IQCH: variants seen among roughly 807,000 people sequenced by gnomAD.
IQCH encodes IQ motif containing H.
In IQCH, 98 loss-of-function variants were observed where a neutral mutation model predicts 117.0. The ratio of observed to expected loss-of-function variants is 0.84; its 90% CI spans 0.71 to 0.99. The LOEUF is 0.99. IQCH is among the 50% of genes least tolerant of loss of function. The pLI is 0.00. For synonymous variants in IQCH, 412 were observed against 448.2 expected (o/e 0.92, Z 1.02); for missense variants, 1,102 against 1,243.8 (o/e 0.89, Z 1.72).
chr15:67,498,599 G>C (rs1280024304), intron 20 of IQCH, among the ~76,000 whole-genome samples: 1 of 143,964 alleles, frequency 6.9e-6, no homozygotes, highest in Admixed American at 7.1e-5. Context: ...CTGGGCGACA[G>C]AGCGAGATTC....
rs1969023601 is a variant in IQCH, at chr15:67,338,936, C to T, written c.508+1841C>T. Among the ~76,000 whole-genome samples, 3 of 152,160 alleles carry T rather than the reference C, an allele frequency of 2.0e-5. No individual in the cohort carries two copies. In the South Asian group the frequency reaches 6.2e-4, roughly 32 times the overall value. On this transcript the variant is annotated intron_variant, in intron 5 of 20. Transcript: ENST00000335894. ...ATCTTTATCAGGCCAAGCACATTTG[C>T]AGATCAGGCTTTCACAAGTGCCTTT...
Position 67,416,987 on chromosome 15 carries a change from A to G in IQCH, c.2154A>G (p.Ala718=), listed in dbSNP as rs200304297. Residue 718 remains alanine (A), a synonymous_variant, in exon 15 of 21, where the codon GCA becomes GCG. Coordinates refer to ENST00000335894, the MANE Select transcript of IQCH (RefSeq NM_001031715.3). This position sits in a 1 kb window ranked among gnomAD's most constrained non-coding sequence, Gnocchi z 5.1. ...TGGCGGGCATTTTAGCACAGCACGC[A>G]CAGCCAGTCAATGAGAAACGGTTCC... is the stretch of plus-strand genomic sequence containing the variant. The part of the protein sequence containing the change: ...EELAGILAQH[A]QPVNEKRFPT... 2.5e-6 allele frequency: 4 copies of G among 1,612,150 alleles called. No homozygotes were observed. The East Asian group carries it at 6.7e-5, about 27-fold the overall frequency.
At chr15:67,383,820 C>T (rs1971022342) in intron 10 of IQCH, among the ~76,000 whole-genome samples, 1 of 152,052 alleles carries the variant, frequency 6.6e-6, no homozygotes, top group Non-Finnish European at 1.5e-5. Context: ...TTCTTAAGTC[C>T]AGATGCAAAG....
chr15:67,293,870 A>G (rs1966835811), intron 4 of IQCH, among the ~76,000 whole-genome samples: 1 of 152,170 alleles, frequency 6.6e-6, no homozygotes, highest in African/African-American at 2.4e-5. Context: ...GGTGCAAGGA[A>G]GAGTGAAGTG....
At chr15:67,336,861 C>T in intron 4 of IQCH, 114 bp from the exon 5 acceptor site, 1 of 985,200 alleles carries the variant, frequency 1.0e-6, no homozygotes, top group Admixed American at 2.5e-5. Context: ...GCTGATATTG[C>T]TACTTTATTA....
intron 18 of IQCH, among the ~76,000 whole-genome samples, chr15:67,478,307 C>A (rs948953736): frequency 5.3e-5 from 8 of 151,922 alleles, no homozygotes; most frequent in Non-Finnish European, 8.8e-5. Flanking sequence ...ATCGCTTGAA[C>A]CTAGGAGGCA....
rs144013728 is a variant in IQCH at position 67,372,177 on chromosome 15, G to T, written c.820G>T (p.Asp274Tyr). ...GTGGGATTATGACTTTTTAATTTATGATGGTGTCATAGACAATACAGCCCC... is the reference window on the plus strand; with the variant it reads ...GTGGGATTATGACTTTTTAATTTATTATGGTGTCATAGACAATACAGCCCC... ...SLWDYDFLIYDGVIDNTAPDF... is the reference protein window; with the variant it reads ...SLWDYDFLIYYGVIDNTAPDF... The change falls in exon 9 of 21, where the codon GAT becomes TAT. Residue 274 changes from aspartate (D) to tyrosine (Y), a missense_variant. Asp to Tyr is a radical substitution (Grantham distance 160, BLOSUM62 -3). This residue lies in a region of IQCH where 452 missense variants were observed against 449.6 expected (regional missense o/e 1.01). Transcript: ENST00000335894. 100 of 1,613,906 alleles carry T rather than the reference G, an allele frequency of 6.2e-5. No individual in the cohort carries two copies. In the African/African-American group the frequency reaches 1.1e-3, roughly 18 times the overall value.
chr15:67,499,977 G>C (rs1401230545), intron 20 of IQCH, among the ~76,000 whole-genome samples: 1 of 152,158 alleles, frequency 6.6e-6, no homozygotes, highest in African/African-American at 2.4e-5. Flanking sequence ...GATGAAATGG[G>C]GAGTGACAGC....
chr15:67,368,782 C>T (rs939029150), intron 8 of IQCH, among the ~76,000 whole-genome samples: 32 of 152,122 alleles, frequency 2.1e-4, no homozygotes, highest in African/African-American at 7.5e-4. Flanking sequence ...CAGTTTAATG[C>T]CACACCCACA....
rs1207926167 is a variant in IQCH at position 67,491,581 on chromosome 15, T to C, written c.2861+1517T>C. Among the ~76,000 whole-genome samples the C allele has an allele frequency of 6.6e-6, 1 of 152,002 alleles. No homozygotes were observed. The highest frequency in any genetic ancestry group is 1.5e-5 in the Non-Finnish European group (1 of 67,992). On this transcript the variant is annotated intron_variant, in intron 19 of 20. Coordinates refer to ENST00000335894, the MANE Select transcript of IQCH (RefSeq NM_001031715.3). This position sits in a 1 kb window ranked among gnomAD's most constrained non-coding sequence, Gnocchi z 4.9. ...AACTTATTGGGTCTTGTTAAGAAAG[T>C]CACTTCCCTAGGGACTCTTCACCCA...
chr15:67,321,394 A>G (rs1968110829), intron 4 of IQCH, among the ~76,000 whole-genome samples: 1 of 151,992 alleles, frequency 6.6e-6, no homozygotes, highest in Non-Finnish European at 1.5e-5. Flanking sequence ...CAGCTCTGCA[A>G]ATTATGATCC....
At position 67,390,975 on chromosome 15, in the gene IQCH, C is replaced by T. The variant is rs909015212; in HGVS notation, c.1632+1969C>T. Among the ~76,000 whole-genome samples, 3 of 152,228 alleles carry T rather than the reference C, an allele frequency of 2.0e-5. No homozygotes were observed. Among genetic ancestry groups the T allele is most frequent in the Non-Finnish European group, 4.4e-5 (3 of 68,030 alleles). ...ATGAGTTGGAATGACTGCCTTGCTC[C>T]TGGATGACCTGTGGCCTTGGGCAAG... On this transcript the variant is annotated intron_variant, in intron 12 of 20. Coordinates refer to ENST00000335894, the MANE Select transcript of IQCH (RefSeq NM_001031715.3). This position sits in a 1 kb window ranked among gnomAD's most constrained non-coding sequence, Gnocchi z 5.0.
intron 5 of IQCH, among the ~76,000 whole-genome samples, chr15:67,341,752 C>G (rs747442506): frequency 6.6e-6 from 1 of 152,076 alleles, no homozygotes; most frequent in African/African-American, 2.4e-5. Flanking sequence ...TAAGATGTTA[C>G]AGTAAATTCA....
Position 67,461,500 on chromosome 15 carries a change from G to A in IQCH, c.2506-3627G>A, listed in dbSNP as rs145157499. Reference sequence around the variant, plus strand: ...TCTAGAAGGGGAGATAGGAACCCCTGTGCACAAAACAAGCATGCCTCAGGC... The same window carrying A: ...TCTAGAAGGGGAGATAGGAACCCCTATGCACAAAACAAGCATGCCTCAGGC... On this transcript the variant is annotated intron_variant, in intron 16 of 20. Transcript: ENST00000335894. Among the ~76,000 whole-genome samples the A allele has an allele frequency of 3.2e-3, 486 of 152,338 alleles. 4 individuals are homozygous for A. The highest frequency in any genetic ancestry group is 0.02 in the Middle Eastern group (6 of 294).
intron 12 of IQCH, among the ~76,000 whole-genome samples, chr15:67,394,759 G>A (rs1971404112): frequency 6.6e-6 from 1 of 152,180 alleles, no homozygotes; most frequent in African/African-American, 2.4e-5. Context: ...CTAGAACCAT[G>A]ATAATCATTA....
In IQCH at chr15:67,307,189, A is replaced by G. The variant is rs1170031329; in HGVS notation, c.387+27677A>G. 13 of 924,880 alleles carry G rather than the reference A, an allele frequency of 1.4e-5. 1 individual carries two copies. Among genetic ancestry groups the G allele is most frequent in the East Asian group, 9.3e-5 (1 of 10,702 alleles). 57.3% of individuals were successfully genotyped at this position (924,880 alleles called of 1,614,324 possible). The stretch of plus-strand genomic sequence containing the variant: ...AGAATTATACCAGTTCTTTGGTTCT[A>G]CTTTCCAAATAAATATATATATAAT... On this transcript the variant is annotated intron_variant, in intron 4 of 20. Coordinates refer to ENST00000335894, the MANE Select transcript of IQCH (RefSeq NM_001031715.3).
chr15:67,272,926 G>T, intron 3 of IQCH, among the ~76,000 whole-genome samples: 1 of 152,014 alleles, frequency 6.6e-6, no homozygotes. Context: ...TCTTATTATT[G>T]CTGAGTAAAG....
At chr15:67,362,868 A>G (rs541097120) in intron 8 of IQCH, among the ~76,000 whole-genome samples, 1 of 152,376 alleles carries the variant, frequency 6.6e-6, no homozygotes, top group South Asian at 2.1e-4. Flanking sequence ...ACTAGATGAT[A>G]TCTAGCAGCA....
Position 67,447,029 on chromosome 15 carries a change from T to C in IQCH, c.2506-18098T>C, listed in dbSNP as rs1192619028. On this transcript the variant is annotated intron_variant, in intron 16 of 20. Transcript: ENST00000335894. This position sits in a 1 kb window ranked among gnomAD's most constrained non-coding sequence, Gnocchi z 5.3. ...GCCAGGCTGAGAGCAATCAACAGGG[T>C]CAAGCACAGTAGAGAAAACCTGGCC... Among the ~76,000 whole-genome samples the C allele has an allele frequency of 6.6e-6, 1 of 152,042 alleles. No homozygotes were observed. Among genetic ancestry groups the C allele is most frequent in the Non-Finnish European group, 1.5e-5 (1 of 68,016 alleles).
Sources: allele counts gnomAD v4.1 joint callset (sites outside exome capture counted in the v4.1 genomes callset), GRCh38; gene constraint gnomAD v4.1.1; regional missense constraint gnomAD v4.1.1; non-coding constraint Gnocchi (gnomAD v3.1); transcripts MANE v1.5; gene names NCBI Gene and HGNC (gene_info 2026-07-23, HGNC 2026-07-21).